Variants in PFKFB3 observed in about 807,000 individuals in gnomAD.
The protein encoded by PFKFB3 is 6-phosphofructo-2-kinase/fructose-2,6-biphosphatase 3, also known as 6-phosphofructo-2-kinase/fructose-2,6-bisphosphatase 3.
A neutral mutation model predicts 68.0 loss-of-function variants in PFKFB3; 33 were observed. That is an observed-to-expected ratio of 0.49 (90% CI 0.37 to 0.65). The LOEUF is 0.65. PFKFB3 is among the 30% of genes least tolerant of loss of function. The pLI, the probability that PFKFB3 is intolerant of heterozygous loss-of-function variation, is 0.00. For missense variants in PFKFB3, 586 were observed against 712.2 expected, an observed-to-expected ratio of 0.82 and a Z score of 2.02; for synonymous variants, 315 against 288.2, an observed-to-expected ratio of 1.09 and a Z score of -0.94.
chr10:6,204,110 C>T (rs914911704), intron 1 of PFKFB3, among the ~76,000 whole-genome samples: 107 of 152,192 alleles, frequency 7.0e-4, no homozygotes, highest in Non-Finnish European at 8.8e-5. Context: ...AGTACCCTGC[C>T]CCGCCCCGCC....
the PFKFB3 span, among the ~76,000 whole-genome samples, chr10:6,325,600 T>G: frequency 6.6e-6 from 1 of 152,220 alleles, no homozygotes; most frequent in Non-Finnish European, 1.5e-5. Flanking sequence ...TTGCCTTTCA[T>G]GGAGACAAAA....
chr10:6,194,426 G>A (rs1843116440), intron 1 of PFKFB3, among the ~76,000 whole-genome samples: 1 of 152,200 alleles, frequency 6.6e-6, no homozygotes, highest in South Asian at 2.1e-4. Flanking sequence ...TCTAGGAGCG[G>A]GCTCCTTAGC....
At chr10:6,177,141 C>T (rs1370395866) in intron 1 of PFKFB3, among the ~76,000 whole-genome samples, 1 of 152,190 alleles carries the variant, frequency 6.6e-6, no homozygotes, top group African/African-American at 2.4e-5. Flanking sequence ...TAATGGTTTC[C>T]TGTGTGGCAG....
At position 6,233,195 on chromosome 10, in the gene PFKFB3, TAG is replaced by T; in HGVS notation, c.*254_*255del. The T allele has an allele frequency of 2.0e-6, 1 of 493,294 alleles. No individual in the cohort carries two copies. Among genetic ancestry groups the T allele is most frequent in the Non-Finnish European group, 3.7e-6 (1 of 273,338 alleles). The allele number at this position is 493,294 out of a possible 1,614,324, so 30.6% of individuals were successfully genotyped here. A position where few individuals can be genotyped will look rare whatever the true frequency, so the allele number is the denominator to read the frequency against. On this transcript the variant is annotated 3_prime_UTR_variant, in exon 15 of 15. Coordinates refer to ENST00000379775, the MANE Select transcript of PFKFB3 (RefSeq NM_004566.4). Reference sequence around the variant, plus strand: ...CCCCACCTCCACTCTCTGGGTTTCCTAGGAATGTCCAGCCTCGGAGACCTTCA... The same window carrying T: ...CCCCACCTCCACTCTCTGGGTTTCCTGAATGTCCAGCCTCGGAGACCTTCA...
chr10:6,266,188 C>A, the PFKFB3 span, among the ~76,000 whole-genome samples: 1 of 152,162 alleles, frequency 6.6e-6, no homozygotes, highest in African/African-American at 2.4e-5. Context: ...GGATTACAGG[C>A]ATGAGCCACT....
At chr10:6,165,560 A>G (rs1842108127) in intron 1 of PFKFB3, among the ~76,000 whole-genome samples, 1 of 152,150 alleles carries the variant, frequency 6.6e-6, no homozygotes, top group African/African-American at 2.4e-5. Flanking sequence ...GCCGGCAGGG[A>G]TGAACATGTC....
At chr10:6,218,633 G>C (rs921114412) in intron 6 of PFKFB3, among the ~76,000 whole-genome samples, 4 of 152,024 alleles carry the variant, frequency 2.6e-5, no homozygotes, top group African/African-American at 9.7e-5. Flanking sequence ...GGGTTTCACT[G>C]TGTTGGCCAG....
At chr10:6,175,077 G>A (rs1181264161) in intron 1 of PFKFB3, among the ~76,000 whole-genome samples, 1 of 152,160 alleles carries the variant, frequency 6.6e-6, no homozygotes, top group African/African-American at 2.4e-5. Flanking sequence ...GCCTCCCACA[G>A]TGCTGGGGTT....
At chr10:6,232,777 TTGTC>T (rs1275668691) in intron 14 of PFKFB3, 114 bp from the exon 15 acceptor site, 6 of 808,804 alleles carry the variant, frequency 7.4e-6, no homozygotes, top group African/African-American at 1.7e-5. Flanking sequence ...ATCATGTTCT[TTGTC>T]TGGGATGGAG....
chr10:6,291,378 C>A, the PFKFB3 span, among the ~76,000 whole-genome samples: 5 of 152,098 alleles, frequency 3.3e-5, no homozygotes, highest in Non-Finnish European at 5.9e-5. Context: ...ATGGTGAAAC[C>A]CTGTCTCCAC....
At chr10:6,280,895 A>G in the PFKFB3 span, among the ~76,000 whole-genome samples, 82,470 of 150,372 alleles carry the variant, frequency 0.55, 25,265 homozygotes, top group Non-Finnish European at 0.71. Flanking sequence ...ATTCTGGTGC[A>G]CCCATCGCCC....
the PFKFB3 span, among the ~76,000 whole-genome samples, chr10:6,295,963 A>G: frequency 6.6e-6 from 1 of 152,172 alleles, no homozygotes; most frequent in Admixed American, 6.5e-5. Flanking sequence ...TCCAGCAACT[A>G]GTTGATGACA....
At chr10:6,317,254 A>T in the PFKFB3 span, among the ~76,000 whole-genome samples, 16 of 152,332 alleles carry the variant, frequency 1.1e-4, no homozygotes, top group Admixed American at 7.2e-4. Flanking sequence ...GACAACCATG[A>T]GAGGCAGTGC....
intron 1 of PFKFB3, among the ~76,000 whole-genome samples, chr10:6,186,942 G>A (rs940333101): frequency 1.3e-5 from 2 of 152,172 alleles, no homozygotes; most frequent in Non-Finnish European, 2.9e-5. Flanking sequence ...AGAATCCCAG[G>A]CAGTTGCCCA....
the PFKFB3 span, among the ~76,000 whole-genome samples, chr10:6,263,435 G>A: frequency 6.6e-6 from 1 of 152,218 alleles, no homozygotes; most frequent in East Asian, 1.9e-4. Flanking sequence ...TTTTGTTTAT[G>A]GCCAGTTTTG....
chr10:6,163,957 C>T (rs1444835585), intron 1 of PFKFB3: 2 of 152,406 alleles, frequency 1.3e-5, no homozygotes, highest in Non-Finnish European at 2.9e-5. Context: ...GGATGTTTTC[C>T]GAGAAGGCCT....
rs373022015 is a variant in PFKFB3 at position 6,216,217 on chromosome 10, C to A, written c.366+26C>A. On this transcript the variant is annotated intron_variant, in intron 4 of 14. Coordinates refer to ENST00000379775, the MANE Select transcript of PFKFB3 (RefSeq NM_004566.4). Reference sequence around the variant, plus strand: ...GTAAGTCCAGGCAATGTAGCCGGCTCGGTGTCCAGTCCCACCCATGAGGGT... The same window carrying A: ...GTAAGTCCAGGCAATGTAGCCGGCTAGGTGTCCAGTCCCACCCATGAGGGT... 3 of 1,606,642 alleles carry A rather than the reference C, an allele frequency of 1.9e-6. No individual in the cohort carries two copies. The African/African-American group carries it at 4.0e-5, about 21-fold the overall frequency.
At chr10:6,168,575 C>T (rs996939325) in intron 1 of PFKFB3, among the ~76,000 whole-genome samples, 4 of 152,182 alleles carry the variant, frequency 2.6e-5, no homozygotes, top group Admixed American at 2.6e-4. Context: ...CACTGGAAAC[C>T]CTATTACAAT....
chr10:6,321,834 C>G, the PFKFB3 span, among the ~76,000 whole-genome samples: 7 of 152,204 alleles, frequency 4.6e-5, no homozygotes, highest in Non-Finnish European at 8.8e-5. Context: ...CTGTAGGCAT[C>G]CTAGCATCCA....
Sources: allele counts gnomAD v4.1 joint callset (sites outside exome capture counted in the v4.1 genomes callset), GRCh38; gene constraint gnomAD v4.1.1; transcripts MANE v1.5; gene names NCBI Gene and HGNC (gene_info 2026-07-23, HGNC 2026-07-21).